SCFD1: variants seen among roughly 807,000 people sequenced by gnomAD.
The protein encoded by SCFD1 is sec1 family domain-containing protein 1.
SCFD1 carries 37 observed loss-of-function variants against 103.2 expected under a neutral mutation model. That is an observed-to-expected ratio of 0.36 (90% confidence interval 0.28 to 0.47). The LOEUF (loss-of-function observed/expected upper bound fraction) is 0.47. Among genes scored for constraint, SCFD1 ranks in the 20% least tolerant of loss-of-function variants. The probability of loss-of-function intolerance (pLI) is 1.00; values close to 1 mark genes in which losing one functional copy is unlikely to be tolerated. For missense variants in SCFD1, 639 were observed against 761.2 expected (o/e 0.84, Z 1.89); for synonymous variants, 264 against 245.0 (o/e 1.08, Z -0.73).
At chr14:30,690,855 A>G (rs1180978780) in intron 14 of SCFD1, among the ~76,000 whole-genome samples, 2 of 152,194 alleles carry the variant, frequency 1.3e-5, no homozygotes, top group African/African-American at 2.4e-5. Flanking sequence ...CTTAATATTT[A>G]TTGAAGCTAC....
intron 10 of SCFD1, 59 bp from the exon 11 acceptor site, chr14:30,670,197 G>A: frequency 2.2e-6 from 3 of 1,370,740 alleles, no homozygotes; most frequent in Non-Finnish European, 3.0e-6. Flanking sequence ...AGGGCAACAA[G>A]ATTCTATTTT....
intron 6 of SCFD1, 30 bp from the exon 7 acceptor site, chr14:30,643,286 A>G (rs753690072): frequency 1.4e-6 from 2 of 1,440,964 alleles, no homozygotes; most frequent in Non-Finnish European, 2.0e-6. Flanking sequence ...GTTTGGGTCA[A>G]CTTTTTCTCC....
At chr14:30,678,834 G>A (rs755993493) in intron 14 of SCFD1, among the ~76,000 whole-genome samples, 4 of 152,148 alleles carry the variant, frequency 2.6e-5, no homozygotes, top group Non-Finnish European at 5.9e-5. Flanking sequence ...TGTGAGGCAA[G>A]GCTTAATTGT....
intron 10 of SCFD1, among the ~76,000 whole-genome samples, chr14:30,669,292 A>T (rs543949645): frequency 6.6e-6 from 1 of 152,180 alleles, no homozygotes; most frequent in South Asian, 2.1e-4. Flanking sequence ...TAGAACTAAG[A>T]TAATTATATT....
chr14:30,673,822 A>T (rs1036075528), intron 12 of SCFD1, 102 bp from the exon 13 acceptor site: 14 of 796,898 alleles, frequency 1.8e-5, no homozygotes, highest in Non-Finnish European at 2.0e-5. Flanking sequence ...CTTACGGTAT[A>T]TCAATAATCT....
At chr14:30,710,985 C>T (rs192391828) in intron 19 of SCFD1, among the ~76,000 whole-genome samples, 2 of 152,194 alleles carry the variant, frequency 1.3e-5, no homozygotes, top group East Asian at 3.9e-4. Context: ...CTTTTTATAC[C>T]TTGTTTTATG....
At chr14:30,647,288 C>T (rs1267898252) in intron 7 of SCFD1, among the ~76,000 whole-genome samples, 1 of 151,954 alleles carries the variant, frequency 6.6e-6, no homozygotes, top group East Asian at 1.9e-4. Context: ...CATGTATAGT[C>T]TTAAGATTTA....
intron 16 of SCFD1, among the ~76,000 whole-genome samples, chr14:30,701,010 C>A (rs1332681584): frequency 6.6e-6 from 1 of 152,194 alleles, no homozygotes; most frequent in East Asian, 1.9e-4. Context: ...GGGTTAGAGA[C>A]TGTTGACTTT....
At chr14:30,642,793 T>A (rs527981867) in intron 6 of SCFD1, among the ~76,000 whole-genome samples, 1 of 152,194 alleles carries the variant, frequency 6.6e-6, no homozygotes, top group Non-Finnish European at 1.5e-5. Context: ...TCTCCTAATG[T>A]CTGATATTAA....
intron 14 of SCFD1, among the ~76,000 whole-genome samples, chr14:30,677,051 A>G (rs1889089620): frequency 6.6e-6 from 1 of 152,238 alleles, no homozygotes; most frequent in African/African-American, 2.4e-5. Context: ...GTCTTATAAA[A>G]GAAAGTGTTC....
In SCFD1 at chr14:30,673,958, T is replaced by C. The variant is rs113733021; in HGVS notation, c.1121T>C (p.Met374Thr). 1 of 1,613,852 alleles carries C rather than the reference T, an allele frequency of 6.2e-7. No homozygotes were observed. The highest frequency in any genetic ancestry group is 8.5e-7 in the Non-Finnish European group (1 of 1,179,836). Residue 374 changes from methionine to threonine, a missense_variant, in exon 13 of 25, where the codon ATG (methionine) becomes ACG (threonine). By Grantham distance (81) the Met-to-Thr change is moderately conservative (BLOSUM62 -1). Coordinates refer to ENST00000458591, the MANE Select transcript of SCFD1 (RefSeq NM_016106.4). ...GGGGAAGATGAAGGAGCCATAAGTA[T>C]GCTTTCTGACAATACCGCTAAGCTA... is the stretch of plus-strand genomic sequence containing the variant. ...LEGEDEGAIS[M>T]LSDNTAKLTS...
chr14:30,667,387 G>A (rs1888085747), intron 10 of SCFD1, among the ~76,000 whole-genome samples: 2 of 152,232 alleles, frequency 1.3e-5, no homozygotes, highest in South Asian at 2.1e-4. Context: ...AATAAATTAG[G>A]TATTGATGGA....
intron 14 of SCFD1, chr14:30,682,963 T>A: frequency 3.2e-6 from 2 of 624,610 alleles, no homozygotes; most frequent in Non-Finnish European, 2.7e-6. Flanking sequence ...TGATACAGAG[T>A]CTATACAGAA....
At chr14:30,725,106 G>C (rs1892950668) in intron 23 of SCFD1, among the ~76,000 whole-genome samples, 1 of 152,146 alleles carries the variant, frequency 6.6e-6, no homozygotes, top group South Asian at 2.1e-4. Context: ...ATAGTTTGAA[G>C]TCTGGTAGCA....
At chr14:30,628,146 G>T (rs1179242388) in intron 1 of SCFD1, 63 bp from the exon 2 acceptor site, 2 of 1,236,978 alleles carry the variant, frequency 1.6e-6, no homozygotes, top group Non-Finnish European at 2.3e-6. Flanking sequence ...AGTGAATGAT[G>T]ATGGAGGAAA....
chr14:30,702,209 TCTTA>T (rs1463506060), intron 16 of SCFD1, 83 bp from the exon 17 acceptor site: 24 of 861,122 alleles, frequency 2.8e-5, no homozygotes, highest in Non-Finnish European at 4.4e-5. Flanking sequence ...ATGCCTTTGG[TCTTA>T]CTTTTTAATT....
intron 14 of SCFD1, among the ~76,000 whole-genome samples, chr14:30,691,977 G>A (rs1203850186): frequency 8.6e-6 from 1 of 116,240 alleles, no homozygotes; most frequent in Admixed American, 9.2e-5. Context: ...TATAGACAGG[G>A]TCTCACTATG....
intron 8 of SCFD1, among the ~76,000 whole-genome samples, 154 bp from the exon 9 acceptor site, chr14:30,650,411 G>A (rs1199344153): frequency 2.0e-5 from 3 of 152,236 alleles, no homozygotes. Context: ...TGATATGGAA[G>A]TGGTAAGACG....
intron 21 of SCFD1, among the ~76,000 whole-genome samples, chr14:30,721,458 A>C (rs1376742377): frequency 7.2e-6 from 1 of 139,174 alleles, no homozygotes; most frequent in Non-Finnish European, 1.6e-5. Context: ...CTGAGTTGTT[A>C]TTCTTCCCAT....
Sources: gnomAD v4.1 joint callset for allele counts (sites outside exome capture counted in the v4.1 genomes callset) on GRCh38, gnomAD v4.1.1 for gene constraint, MANE v1.5 for transcripts, NCBI Gene and HGNC (gene_info 2026-07-23, HGNC 2026-07-21) for gene names.